Variants in KHDRBS2 observed in about 807,000 individuals in gnomAD.
The protein encoded by KHDRBS2 is KH domain-containing, RNA-binding, signal transduction-associated protein 2.
In KHDRBS2, 26 loss-of-function variants were observed where a neutral mutation model predicts 44.3. That is an observed-to-expected ratio of 0.59 (90% CI 0.43 to 0.81). The LOEUF (loss-of-function observed/expected upper bound fraction) is 0.81, where lower values mean the gene tolerates loss of function less well. Among genes scored for constraint, KHDRBS2 ranks in the 40% least tolerant of loss-of-function variants. The pLI is 0.00. For missense variants in KHDRBS2, 476 were observed against 433.1 expected, an observed-to-expected ratio of 1.10 and a Z score of -0.88; for synonymous variants, 194 against 151.1, an observed-to-expected ratio of 1.28 and a Z score of -2.08.
chr6:61,550,967 T>A, the KHDRBS2 span, among the ~76,000 whole-genome samples: 1 of 151,826 alleles, frequency 6.6e-6, no homozygotes, highest in African/African-American at 2.4e-5. Flanking sequence ...GGAGATGGGG[T>A]TTTACTATGT....
intron 1 of KHDRBS2, among the ~76,000 whole-genome samples, chr6:62,247,760 TTAA>T (rs1362614859): frequency 2.0e-5 from 3 of 152,100 alleles, no homozygotes; most frequent in Non-Finnish European, 1.5e-5. Context: ...TAAATTTCAA[TTAA>T]TTCTACCAAT....
chr6:61,816,536 C>A (rs1788968334), intron 6 of KHDRBS2: 2 of 393,778 alleles, frequency 5.1e-6, no homozygotes, highest in Non-Finnish European at 5.1e-6. Flanking sequence ...TTAAAAGGAG[C>A]ACGACCCTGC....
intron 3 of KHDRBS2, among the ~76,000 whole-genome samples, chr6:61,981,878 T>C (rs1562577577): frequency 1.3e-5 from 2 of 152,310 alleles, no homozygotes; most frequent in East Asian, 1.9e-4. Flanking sequence ...GTTTCAGAAA[T>C]TTTATGAAGT....
At chr6:61,599,872 C>T in the KHDRBS2 span, among the ~76,000 whole-genome samples, 2 of 152,134 alleles carry the variant, frequency 1.3e-5, no homozygotes, top group Non-Finnish European at 2.9e-5. Flanking sequence ...AGAGTGCTGC[C>T]ACTTGGTCAC....
intron 6 of KHDRBS2, among the ~76,000 whole-genome samples, chr6:61,805,941 A>G (rs778017390): frequency 6.6e-6 from 1 of 152,200 alleles, no homozygotes; most frequent in South Asian, 2.1e-4. Context: ...TAGAGGCAGT[A>G]TGGATAAATA....
chr6:61,920,729 A>G (rs953430844), intron 4 of KHDRBS2, among the ~76,000 whole-genome samples: 3 of 152,106 alleles, frequency 2.0e-5, no homozygotes, highest in East Asian at 1.9e-4. Context: ...GAAAGGATTC[A>G]GTCCTAAAAA....
the KHDRBS2 span, among the ~76,000 whole-genome samples, chr6:61,590,625 C>A: frequency 1.3e-5 from 2 of 152,180 alleles, no homozygotes; most frequent in East Asian, 1.9e-4. Flanking sequence ...CATTTAATAT[C>A]CTGTGGGTTT....
At chr6:61,796,900 T>C (rs1582889561) in intron 6 of KHDRBS2, among the ~76,000 whole-genome samples, 1 of 152,148 alleles carries the variant, frequency 6.6e-6, no homozygotes, top group Non-Finnish European at 1.5e-5. Flanking sequence ...GAGTTATTTA[T>C]AACTCTGTAA....
intron 6 of KHDRBS2, among the ~76,000 whole-genome samples, chr6:61,811,304 G>A (rs1788077638): frequency 6.6e-6 from 1 of 152,100 alleles, no homozygotes; most frequent in African/African-American, 2.4e-5. Flanking sequence ...TGACCACATA[G>A]CATTCCATGA....
chr6:62,283,364 A>G (rs1020240767), intron 1 of KHDRBS2, among the ~76,000 whole-genome samples: 9 of 152,160 alleles, frequency 5.9e-5, no homozygotes, highest in Non-Finnish European at 1.3e-4. Flanking sequence ...AGCACTGTCA[A>G]TTGAGCACTG....
At chr6:61,835,796 G>C (rs1263929052) in intron 6 of KHDRBS2, among the ~76,000 whole-genome samples, 1 of 151,326 alleles carries the variant, frequency 6.6e-6, no homozygotes, top group Non-Finnish European at 1.5e-5. Flanking sequence ...AATTTCAACA[G>C]AAGCAGTTAA....
intron 1 of KHDRBS2, among the ~76,000 whole-genome samples, chr6:62,283,805 A>G (rs1034412900): frequency 3.3e-5 from 5 of 152,134 alleles, no homozygotes; most frequent in Non-Finnish European, 7.4e-5. Context: ...GCACATGTAA[A>G]GAGCCCCAGG....
At position 61,955,495 on chromosome 6, in the gene KHDRBS2, C is replaced by CGTATGTGTATATATACAT. The variant is rs1562520144; in HGVS notation, c.483+22570_483+22571insATGTATATATACACATAC. ...ATATACACATATGTATGTATGTATA[C>CGTATGTGTATATATACAT]ATGTGTATATATACACATATGTATG... is the stretch of plus-strand genomic sequence containing the variant. On this transcript the variant is annotated intron_variant, in intron 4 of 8. Transcript: ENST00000281156. Among the ~76,000 whole-genome samples the CGTATGTGTATATATACAT allele has an allele frequency of 1.0e-4, 5 of 48,644 alleles. 1 individual carries two copies. The highest frequency in any genetic ancestry group is 1.8e-3 in the South Asian group (2 of 1,094). 31.9% of individuals were successfully genotyped at this position (48,644 alleles called of 152,430 possible).
chr6:62,216,826 C>G (rs981886270), intron 1 of KHDRBS2, among the ~76,000 whole-genome samples: 6 of 149,984 alleles, frequency 4.0e-5, no homozygotes, highest in Non-Finnish European at 7.4e-5. Flanking sequence ...TACAGGAAAA[C>G]TGAAGTTTGC....
chr6:61,607,098 T>C, the KHDRBS2 span, among the ~76,000 whole-genome samples: 1 of 151,884 alleles, frequency 6.6e-6, no homozygotes, highest in African/African-American at 2.4e-5. Flanking sequence ...TGATTAATTT[T>C]TTTTGGAAAA....
chr6:61,877,366 G>T (rs1799568479), intron 6 of KHDRBS2, among the ~76,000 whole-genome samples: 1 of 151,872 alleles, frequency 6.6e-6, no homozygotes, highest in African/African-American at 2.4e-5. Flanking sequence ...TTTACTGGGA[G>T]CAGAAATAGA....
At chr6:61,744,123 A>G (rs1245342459) in intron 6 of KHDRBS2, among the ~76,000 whole-genome samples, 2 of 152,154 alleles carry the variant, frequency 1.3e-5, no homozygotes, top group Non-Finnish European at 2.9e-5. Flanking sequence ...AGAACTATGC[A>G]TATCTGAGAT....
intron 2 of KHDRBS2, among the ~76,000 whole-genome samples, chr6:62,073,309 CT>C (rs1795619103): frequency 6.7e-6 from 1 of 150,202 alleles, no homozygotes; most frequent in South Asian, 2.1e-4. Flanking sequence ...TTTTTAACAA[CT>C]TTTCATCTCA....
chr6:62,264,585 T>C lies in KHDRBS2; in HGVS notation c.91+21273A>G, dbSNP rs188771465. ...TTCTTATCCCAACAGGCCTCTCTTT[T>C]TGCAAGAATTCACAAAAGACCGTTA... On this transcript the variant is annotated intron_variant, in intron 1 of 8. Coordinates refer to ENST00000281156, the MANE Select transcript of KHDRBS2 (RefSeq NM_152688.4). Among the ~76,000 whole-genome samples, 22 of 151,818 alleles carry C rather than the reference T, an allele frequency of 1.4e-4. No homozygotes were observed. The East Asian group carries it at 4.3e-3, about 30-fold the overall frequency.
Sources: allele counts gnomAD v4.1 joint callset (sites outside exome capture counted in the v4.1 genomes callset), GRCh38; gene constraint gnomAD v4.1.1; transcripts MANE v1.5; gene names NCBI Gene and HGNC (gene_info 2026-07-23, HGNC 2026-07-21).